BAIAP2L1: variants seen among roughly 807,000 people sequenced by gnomAD.
The protein encoded by BAIAP2L1 is BAR/IMD domain containing adaptor protein 2 like 1, also known as BAR/IMD domain-containing adapter protein 2-like 1.
A neutral mutation model predicts 66.3 loss-of-function variants in BAIAP2L1; 35 were observed. The observed-to-expected ratio is 0.53, with a 90% CI of 0.40 to 0.70. The LOEUF is 0.70. Among genes scored for constraint, BAIAP2L1 ranks in the 30% least tolerant of loss-of-function variants. The probability of loss-of-function intolerance (pLI) is 0.00; values close to 1 mark genes in which losing one functional copy is unlikely to be tolerated. For missense variants in BAIAP2L1, 622 were observed against 656.9 expected (o/e 0.95, Z 0.58); for synonymous variants, 269 against 248.7 (o/e 1.08, Z -0.77).
At chr7:98,296,643 AAACC>A (rs1223041250) in intron 12 of BAIAP2L1, among the ~76,000 whole-genome samples, 4 of 152,144 alleles carry the variant, frequency 2.6e-5, no homozygotes, top group African/African-American at 9.7e-5. Context: ...AAAAAACAAA[AAACC>A]AACAAAACAA....
intron 2 of BAIAP2L1, among the ~76,000 whole-genome samples, chr7:98,359,751 T>G (rs1802223663): frequency 6.7e-6 from 1 of 148,760 alleles, no homozygotes; most frequent in East Asian, 2.0e-4. Context: ...CTGGGTTTTT[T>G]TTTTTTTTTT....
intron 1 of BAIAP2L1, among the ~76,000 whole-genome samples, chr7:98,380,416 A>G (rs1802727111): frequency 6.6e-6 from 1 of 152,028 alleles, no homozygotes. Flanking sequence ...AGGCACTTCT[A>G]ACATGGCGGC....
At chr7:98,293,634 C>G (rs778466050) in intron 13 of BAIAP2L1, 38 bp from the exon 14 acceptor site, 21 of 1,586,264 alleles carry the variant, frequency 1.3e-5, no homozygotes, top group Admixed American at 5.0e-5. Context: ...AACTTCTGCT[C>G]TACGAGGGAA....
intron 3 of BAIAP2L1, among the ~76,000 whole-genome samples, chr7:98,325,863 T>C (rs1193158759): frequency 1.3e-5 from 2 of 152,190 alleles, no homozygotes; most frequent in African/African-American, 4.8e-5. Flanking sequence ...GTCACCACAC[T>C]GAATCAGTGC....
At chr7:98,395,436 CAAAAA>C (rs36036652) in intron 1 of BAIAP2L1, among the ~76,000 whole-genome samples, 6 of 121,210 alleles carry the variant, frequency 5.0e-5, no homozygotes, top group African/African-American at 9.6e-5. Flanking sequence ...AAGACTGTCT[CAAAAA>C]AAAAAAAAAA....
chr7:98,387,362 G>A (rs1562793781), intron 1 of BAIAP2L1, among the ~76,000 whole-genome samples: 1 of 152,128 alleles, frequency 6.6e-6, no homozygotes, highest in Non-Finnish European at 1.5e-5. Flanking sequence ...ACAGCTGCGG[G>A]AAGAACTCAT....
chr7:98,318,314 T>A (rs1801141079), intron 5 of BAIAP2L1, among the ~76,000 whole-genome samples: 1 of 152,160 alleles, frequency 6.6e-6, no homozygotes, highest in South Asian at 2.1e-4. Flanking sequence ...CAAAGTTCCA[T>A]CCAAAGCACT....
chr7:98,365,927 G>A (rs1305264495), intron 1 of BAIAP2L1, among the ~76,000 whole-genome samples: 1 of 152,096 alleles, frequency 6.6e-6, no homozygotes, highest in African/African-American at 2.4e-5. Flanking sequence ...TGTCTTTCAT[G>A]TTAGAGACTC....
chr7:98,354,423 T>C (rs148169967), intron 3 of BAIAP2L1, among the ~76,000 whole-genome samples: 53 of 152,246 alleles, frequency 3.5e-4, no homozygotes, highest in African/African-American at 1.2e-3. Flanking sequence ...CAATAAAACA[T>C]ATTCAACAAG....
Position 98,312,276 on chromosome 7 carries a change from A to G in BAIAP2L1, c.640-12T>C, listed in dbSNP as rs774129829. The G allele has an allele frequency of 1.3e-6, 2 of 1,594,708 alleles. No individual in the cohort carries two copies. Among genetic ancestry groups the G allele is most frequent in the African/African-American group, 2.7e-5 (2 of 73,596 alleles). ...AGTAGTTCTGCAGACTGCAAAGCCA[A>G]AAGAAGAAGACTAAAGACAAAGAAG... On this transcript the variant is annotated splice_polypyrimidine_tract_variant and intron_variant, in intron 7 of 13. Transcript: ENST00000005260.
intron 3 of BAIAP2L1, among the ~76,000 whole-genome samples, chr7:98,325,798 G>T (rs1413307189): frequency 6.6e-6 from 1 of 152,146 alleles, no homozygotes; most frequent in Non-Finnish European, 1.5e-5. Flanking sequence ...AAAGCAAACC[G>T]CTCCCCAGCA....
At chr7:98,354,965 TG>T in intron 3 of BAIAP2L1, 76 bp downstream of exon 3, 1 of 1,061,644 alleles carries the variant, frequency 9.4e-7, no homozygotes, top group Non-Finnish European at 1.5e-6. Context: ...TGTTCTGGAC[TG>T]GGCCATCCCA....
chr7:98,366,751 T>C (rs1450452207), intron 1 of BAIAP2L1, among the ~76,000 whole-genome samples: 1 of 152,200 alleles, frequency 6.6e-6, no homozygotes, highest in Non-Finnish European at 1.5e-5. Flanking sequence ...GCGCAACCAG[T>C]GGCCAGGAAG....
chr7:98,324,238 T>C (rs1801323873), intron 3 of BAIAP2L1, among the ~76,000 whole-genome samples: 1 of 152,230 alleles, frequency 6.6e-6, no homozygotes, highest in South Asian at 2.1e-4. Context: ...AGTGGCAATA[T>C]ACACGTATTT....
At chr7:98,343,684 A>G (rs1477485055) in intron 3 of BAIAP2L1, among the ~76,000 whole-genome samples, 5 of 152,176 alleles carry the variant, frequency 3.3e-5, no homozygotes, top group Non-Finnish European at 7.3e-5. Flanking sequence ...CTTTGGAGAA[A>G]AGGATACCAA....
intron 3 of BAIAP2L1, among the ~76,000 whole-genome samples, chr7:98,330,588 C>T (rs1468116639): frequency 4.7e-5 from 7 of 149,804 alleles, no homozygotes; most frequent in South Asian, 2.1e-4. Flanking sequence ...ACCCTGTAGG[C>T]GGAGGTTGCA....
At chr7:98,332,337 C>T (rs760194082) in intron 3 of BAIAP2L1, among the ~76,000 whole-genome samples, 43 of 123,372 alleles carry the variant, frequency 3.5e-4, no homozygotes, top group South Asian at 8.4e-4. Flanking sequence ...GACCCGAGAT[C>T]GCTCCACTGC....
At chr7:98,294,184 G>A (rs1313388093) in intron 12 of BAIAP2L1, 73 bp from the exon 13 acceptor site, 2 of 1,516,850 alleles carry the variant, frequency 1.3e-6, no homozygotes, top group Non-Finnish European at 1.8e-6. Context: ...GTAGAGATGG[G>A]GATTTGCTAT....
At chr7:98,358,071 T>C (rs1310668821) in intron 2 of BAIAP2L1, among the ~76,000 whole-genome samples, 1 of 152,196 alleles carries the variant, frequency 6.6e-6, no homozygotes, top group Non-Finnish European at 1.5e-5. Flanking sequence ...AGCAAATTAG[T>C]GCGGGAATGG....
Sources: allele counts gnomAD v4.1 joint callset (sites outside exome capture counted in the v4.1 genomes callset), GRCh38; gene constraint gnomAD v4.1.1; transcripts MANE v1.5; gene names NCBI Gene and HGNC (gene_info 2026-07-23, HGNC 2026-07-21).